Variants in ADGRB3 observed in about 807,000 individuals in gnomAD.
ADGRB3 encodes brain-specific angiogenesis inhibitor 3.
A neutral mutation model predicts 193.4 loss-of-function variants in ADGRB3; 37 were observed. The ratio of observed to expected loss-of-function variants is 0.19; its 90% CI spans 0.15 to 0.25. ADGRB3 has a LOEUF of 0.25. Ranked by LOEUF, ADGRB3 falls within the 10% of genes least tolerant of loss-of-function variation. The probability of loss-of-function intolerance (pLI) is 1.00; values close to 1 mark genes in which losing one functional copy is unlikely to be tolerated. For synonymous variants in ADGRB3, 690 were observed against 644.2 expected (o/e 1.07, Z -1.08); for missense variants, 1,637 against 1,852.9 (o/e 0.88, Z 2.14).
intron 14 of ADGRB3, among the ~76,000 whole-genome samples, chr6:69,049,024 A>T (rs1771317778): frequency 6.6e-6 from 1 of 152,116 alleles, no homozygotes; most frequent in Non-Finnish European, 1.5e-5. Context: ...TTAAACTCTT[A>T]AATGGAGACT....
intron 17 of ADGRB3, among the ~76,000 whole-genome samples, chr6:69,101,546 TTTTTATTTAGGC>T (rs1247150916): frequency 6.6e-5 from 10 of 151,660 alleles, no homozygotes; most frequent in African/African-American, 2.4e-4. Flanking sequence ...AATTGCTTAG[TTTTTATTTAGGC>T]TTTTATTTGC....
intron 13 of ADGRB3, among the ~76,000 whole-genome samples, chr6:69,044,535 T>C (rs568466094): frequency 6.6e-6 from 1 of 152,320 alleles, no homozygotes; most frequent in African/African-American, 2.4e-5. Context: ...CTGCAAAAAT[T>C]CCCTATGCTT....
At chr6:68,885,767 T>C (rs1765890099) in intron 3 of ADGRB3, among the ~76,000 whole-genome samples, 1 of 152,172 alleles carries the variant, frequency 6.6e-6, no homozygotes, top group African/African-American at 2.4e-5. Flanking sequence ...GTATCCACTG[T>C]AGACTTTGGA....
intron 20 of ADGRB3, among the ~76,000 whole-genome samples, chr6:69,251,219 T>C (rs1446504306): frequency 6.6e-6 from 1 of 152,200 alleles, no homozygotes; most frequent in Non-Finnish European, 1.5e-5. Flanking sequence ...TTAGTCTTCT[T>C]CCAGCCTTGG....
intron 17 of ADGRB3, among the ~76,000 whole-genome samples, chr6:69,216,368 T>C (rs991827152): frequency 3.9e-5 from 6 of 152,186 alleles, no homozygotes; most frequent in Admixed American, 1.3e-4. Flanking sequence ...AAAAGCCAAG[T>C]AATGTAATTT....
At chr6:69,008,708 T>C (rs1302035960) in intron 11 of ADGRB3, among the ~76,000 whole-genome samples, 2 of 152,108 alleles carry the variant, frequency 1.3e-5, no homozygotes, top group African/African-American at 4.8e-5. Flanking sequence ...AAGAGGCCCA[T>C]TCCTTGCTTG....
At chr6:69,181,122 G>C (rs568751730) in intron 17 of ADGRB3, among the ~76,000 whole-genome samples, 2 of 152,166 alleles carry the variant, frequency 1.3e-5, no homozygotes, top group South Asian at 4.1e-4. Flanking sequence ...TCAACTGGAC[G>C]CCATCACAGG....
At chr6:68,644,947 C>T (rs562506864) in intron 3 of ADGRB3, among the ~76,000 whole-genome samples, 5 of 152,186 alleles carry the variant, frequency 3.3e-5, no homozygotes, top group South Asian at 4.2e-4. Context: ...CTATCAAAAT[C>T]GAGATAGGAA....
chr6:69,104,761 C>T (rs1489173556), intron 17 of ADGRB3, among the ~76,000 whole-genome samples: 1 of 151,944 alleles, frequency 6.6e-6, no homozygotes, highest in East Asian at 1.9e-4. Flanking sequence ...TATCATATTT[C>T]ATGGTAATAC....
At chr6:68,866,591 T>C (rs1765303169) in intron 3 of ADGRB3, among the ~76,000 whole-genome samples, 1 of 152,118 alleles carries the variant, frequency 6.6e-6, no homozygotes, top group South Asian at 2.1e-4. Context: ...TTGGAACAGT[T>C]TGGAGGGCTC....
intron 15 of ADGRB3, 45 bp downstream of exon 15, chr6:69,049,391 CA>C: frequency 7.2e-7 from 1 of 1,390,154 alleles, no homozygotes. Flanking sequence ...TAAATTATTC[CA>C]AAATGTGATT....
At chr6:68,676,326 G>A (rs73461967) in intron 3 of ADGRB3, among the ~76,000 whole-genome samples, 4,792 of 150,086 alleles carry the variant, frequency 0.032, 136 homozygotes, top group African/African-American at 0.072. Context: ...GGGAGTGGGA[G>A]GTTGCAGTGA....
At chr6:69,292,353 A>G (rs531528291) in intron 20 of ADGRB3, among the ~76,000 whole-genome samples, 15 of 152,292 alleles carry the variant, frequency 9.8e-5, no homozygotes, top group African/African-American at 3.1e-4. Context: ...CCCCCAGGTC[A>G]TCCCAATTCT....
intron 17 of ADGRB3, among the ~76,000 whole-genome samples, chr6:69,127,877 G>T (rs1773896233): frequency 6.9e-6 from 1 of 145,696 alleles, no homozygotes; most frequent in Non-Finnish European, 1.5e-5. Flanking sequence ...ACAGAGCAAA[G>T]CTACAGCCAA....
chr6:69,360,030 T>A (rs1240212901), intron 28 of ADGRB3, among the ~76,000 whole-genome samples: 2 of 151,852 alleles, frequency 1.3e-5, no homozygotes, highest in African/African-American at 4.8e-5. Context: ...AATTATTTAC[T>A]CTTTTGTTGA....
intron 3 of ADGRB3, among the ~76,000 whole-genome samples, chr6:68,884,450 C>T (rs1261481253): frequency 2.0e-5 from 3 of 152,080 alleles, no homozygotes. Context: ...AGAGTAAGAG[C>T]TTTAGGCTGA....
chr6:68,745,998 G>T (rs1766076163), intron 3 of ADGRB3, among the ~76,000 whole-genome samples: 1 of 151,964 alleles, frequency 6.6e-6, no homozygotes, highest in Admixed American at 6.6e-5. Context: ...TTGCAAAATT[G>T]CTACAGTAAA....
At chr6:68,927,512 G>T (rs1053305958) in intron 3 of ADGRB3, among the ~76,000 whole-genome samples, 3 of 152,026 alleles carry the variant, frequency 2.0e-5, no homozygotes, top group Non-Finnish European at 2.9e-5. Context: ...CAGCACAAAT[G>T]TTTTTAAAAT....
chr6:69,324,303 A>G (rs1389077388), intron 20 of ADGRB3, among the ~76,000 whole-genome samples: 2 of 152,160 alleles, frequency 1.3e-5, no homozygotes, highest in Admixed American at 6.6e-5. Flanking sequence ...TTTAAAATAC[A>G]TATTTTATTT....
Sources: gnomAD v4.1 joint callset for allele counts (sites outside exome capture counted in the v4.1 genomes callset) on GRCh38, gnomAD v4.1.1 for gene constraint, MANE v1.5 for transcripts, NCBI Gene and HGNC (gene_info 2026-07-23, HGNC 2026-07-21) for gene names.